Variants in USP24 observed in about 807,000 individuals in gnomAD.
USP24 encodes ubiquitin specific peptidase 24.
In USP24, 97 loss-of-function variants were observed where a neutral mutation model predicts 361.6. The ratio of observed to expected loss-of-function variants is 0.27; its 90% CI spans 0.23 to 0.32. The LOEUF is 0.32. Ranked by LOEUF, USP24 falls within the 10% of genes least tolerant of loss-of-function variation. USP24 has a pLI of 1.00. For synonymous variants in USP24, 1,098 were observed against 1,124.6 expected (o/e 0.98, Z 0.47); for missense variants, 2,353 against 3,165.6 (o/e 0.74, Z 6.16).
At chr1:55,098,108 C>T in intron 46 of USP24, 24 bp from the exon 47 acceptor site, 1 of 1,567,216 alleles carries the variant, frequency 6.4e-7, no homozygotes, top group Non-Finnish European at 8.6e-7. Flanking sequence ...AACAGAAAAC[C>T]CACAATCAAC....
At chr1:55,087,544 A>G (rs1249350129) in intron 55 of USP24, among the ~76,000 whole-genome samples, 1 of 152,376 alleles carries the variant, frequency 6.6e-6, no homozygotes, top group East Asian at 1.9e-4. Context: ...CAAACTAGAA[A>G]AATGGTTATC....
At chr1:55,072,042 G>C in intron 66 of USP24, 118 bp from the exon 67 acceptor site, 1 of 913,378 alleles carries the variant, frequency 1.1e-6, no homozygotes, top group Non-Finnish European at 1.7e-6. Flanking sequence ...TGAGAGTGAG[G>C]CCTTCATCAC....
intron 1 of USP24, among the ~76,000 whole-genome samples, chr1:55,199,213 C>T (rs531289418): frequency 1.1e-4 from 17 of 151,964 alleles, no homozygotes; most frequent in African/African-American, 2.7e-4. Flanking sequence ...CACTTGAACC[C>T]GGGAGGTGGA....
chr1:55,159,892 T>C (rs1557652190), intron 8 of USP24, among the ~76,000 whole-genome samples: 2 of 152,206 alleles, frequency 1.3e-5, no homozygotes, highest in East Asian at 1.9e-4. Context: ...TTCTTTACTA[T>C]AATATGAGTA....
intron 48 of USP24, 148 bp downstream of exon 48, chr1:55,097,450 A>C: frequency 8.1e-7 from 1 of 1,230,440 alleles, no homozygotes; most frequent in Non-Finnish European, 1.1e-6. Context: ...TTCCGGTAAC[A>C]GCAGCTGCCT....
chr1:55,081,296 T>G, intron 59 of USP24, 26 bp downstream of exon 59: 1 of 1,605,012 alleles, frequency 6.2e-7, no homozygotes, highest in Admixed American at 1.7e-5. Flanking sequence ...TCAGTATCTC[T>G]TCATTCTAAG....
chr1:55,140,813 A>G (rs1321490631), intron 24 of USP24, among the ~76,000 whole-genome samples: 1 of 152,208 alleles, frequency 6.6e-6, no homozygotes, highest in East Asian at 1.9e-4. Flanking sequence ...TTACCAGCAG[A>G]GGCTCATAAA....
chr1:55,075,878 A>C (rs1170525972), intron 62 of USP24, among the ~76,000 whole-genome samples: 1 of 152,192 alleles, frequency 6.6e-6, no homozygotes, highest in African/African-American at 2.4e-5. Context: ...CTGAGGCAAA[A>C]GGATCATTTG....
intron 36 of USP24, 100 bp from the exon 37 acceptor site, chr1:55,121,606 T>G: frequency 1.2e-5 from 11 of 934,312 alleles, no homozygotes; most frequent in East Asian, 7.6e-5. Flanking sequence ...GCATAAGCTC[T>G]TCTCTTTTAC....
At chr1:55,200,445 C>T (rs1257705381) in intron 1 of USP24, among the ~76,000 whole-genome samples, 2 of 152,116 alleles carry the variant, frequency 1.3e-5, no homozygotes, top group African/African-American at 4.8e-5. Flanking sequence ...CAGAAGAGAG[C>T]CAAAGACATT....
At position 55,100,977 on chromosome 1, in the gene USP24, G is replaced by T. The variant is rs201130778; in HGVS notation, c.5146-13C>A. ...CTGAAAGTAATGACTGCACAGAAAA[G>T]AAACATATCAAGCTTGAAATATTTA... On this transcript the variant is annotated splice_polypyrimidine_tract_variant and intron_variant, in intron 43 of 67. Transcript: ENST00000294383. 5 of 1,606,142 alleles carry T rather than the reference G, an allele frequency of 3.1e-6. No individual in the cohort carries two copies. In the Admixed American group the frequency reaches 6.9e-5, roughly 22 times the overall value.
intron 42 of USP24, among the ~76,000 whole-genome samples, chr1:55,102,170 C>G (rs1044270593): frequency 6.6e-6 from 1 of 151,952 alleles, no homozygotes; most frequent in African/African-American, 2.4e-5. Context: ...TGTGAGTCTA[C>G]GAAGTGATTA....
At chr1:55,201,600 C>CAAAAA (rs56659823) in intron 1 of USP24, among the ~76,000 whole-genome samples, 9 of 35,454 alleles carry the variant, frequency 2.5e-4, no homozygotes, top group Admixed American at 4.7e-4. Flanking sequence ...GACTCCATCT[C>CAAAAA]AAAAAAAAAA....
chr1:55,188,997 ACAGGAAATAACAAGT>A (rs1644214623), intron 1 of USP24, among the ~76,000 whole-genome samples: 1 of 138,198 alleles, frequency 7.2e-6, no homozygotes, highest in Non-Finnish European at 1.6e-5. Context: ...AAAAAAAAAG[ACAGGAAATAACAAGT>A]ATTGGTGAGA....
In USP24 at chr1:55,081,382, G is replaced by C. The variant is rs1570355961; in HGVS notation, c.7018C>G (p.Leu2340Val). ...ACAAGTAACGCCACTGTATTGTGAA[G>C]ATTCCCAAATTCTCGTGCTTGTGCT... ...SSAQAREFGN[L>V]HNTVALLVLH... Residue 2340 changes from leucine to valine, a missense_variant, in exon 59 of 68, where the codon CTT (leucine) becomes GTT (valine). Transcript: ENST00000294383. 3 of 1,613,752 alleles carry C rather than the reference G, an allele frequency of 1.9e-6. No individual in the cohort carries two copies. Among genetic ancestry groups the C allele is most frequent in the Non-Finnish European group, 2.5e-6 (3 of 1,179,708 alleles).
rs1434077866 is a variant in USP24, at chr1:55,214,887, C to T, written c.227G>A (p.Gly76Asp). 3.2e-6 allele frequency: 4 copies of T among 1,250,712 alleles called. No individual in the cohort carries two copies. Among genetic ancestry groups the T allele is most frequent in the Non-Finnish European group, 2.0e-6 (2 of 991,444 alleles). 77.5% of individuals were successfully genotyped at this position (1,250,712 alleles called of 1,614,324 possible). A position where few individuals can be genotyped will look rare whatever the true frequency, so the allele number is the denominator to read the frequency against. Reference sequence around the variant, plus strand: ...GGAGGGGCCGCCGCCGCCGCCGTCACCTCCGCCGTCGCCCCGCGGGCCCCC... The same window carrying T: ...GGAGGGGCCGCCGCCGCCGCCGTCATCTCCGCCGTCGCCCCGCGGGCCCCC... The part of the protein sequence containing the change: ...PGGGPRGDGG[G>D]DGGGGGPSRG... Residue 76 changes from glycine (G) to aspartate (D), a missense_variant, in exon 1 of 68, where the codon GGT becomes GAT. Physicochemically the swap from Gly to Asp is moderately conservative, Grantham distance 94. Around this residue, in one of 8 missense-constraint regions of USP24, gnomAD observed 253 missense variants for 255.3 expected, o/e 0.99. Transcript: ENST00000294383.
At chr1:55,169,819 T>C (rs1007140488) in intron 5 of USP24, among the ~76,000 whole-genome samples, 1 of 152,148 alleles carries the variant, frequency 6.6e-6, no homozygotes, top group Non-Finnish European at 1.5e-5. Context: ...GGATTCTTTA[T>C]AGAATGCACT....
chr1:55,178,728 T>TAAAA (rs1042109144), intron 1 of USP24, among the ~76,000 whole-genome samples: 19 of 85,248 alleles, frequency 2.2e-4, no homozygotes, highest in South Asian at 1.4e-3. Context: ...AATAAATAAA[T>TAAAA]AAAAAGAACT....
intron 61 of USP24, 84 bp from the exon 62 acceptor site, chr1:55,077,384 T>G: frequency 8.0e-6 from 10 of 1,250,554 alleles, no homozygotes; most frequent in Non-Finnish European, 1.1e-5. Context: ...ACGTTCTAGC[T>G]CTATCACCTT....
Sources: allele counts gnomAD v4.1 joint callset (sites outside exome capture counted in the v4.1 genomes callset), GRCh38; gene constraint gnomAD v4.1.1; regional missense constraint gnomAD v4.1.1; transcripts MANE v1.5; gene names NCBI Gene and HGNC (gene_info 2026-07-23, HGNC 2026-07-21).